Variants in STAU2 observed in about 807,000 individuals in gnomAD.
The protein encoded by STAU2 is double-stranded RNA-binding protein Staufen homolog 2.
In STAU2, 20 loss-of-function variants were observed where a neutral mutation model predicts 65.9. The ratio of observed to expected loss-of-function variants is 0.30; its 90% CI spans 0.21 to 0.44. STAU2 has a LOEUF of 0.44. Ranked by LOEUF, STAU2 falls within the 20% of genes least tolerant of loss-of-function variation. The pLI, the probability that STAU2 is intolerant of heterozygous loss-of-function variation, is 1.00. For synonymous variants in STAU2, 232 were observed against 233.9 expected (o/e 0.99, Z 0.07); for missense variants, 558 against 683.9 (o/e 0.82, Z 2.05).
At chr8:73,607,456 G>T (rs937892330) in intron 9 of STAU2, among the ~76,000 whole-genome samples, 3 of 152,000 alleles carry the variant, frequency 2.0e-5, no homozygotes, top group Non-Finnish European at 4.4e-5. Context: ...CAGGCCGGGC[G>T]TGATGGCTCA....
intron 13 of STAU2, among the ~76,000 whole-genome samples, chr8:73,462,318 T>C (rs1585805871): frequency 6.6e-6 from 1 of 152,104 alleles, no homozygotes; most frequent in South Asian, 2.1e-4. Flanking sequence ...GCCAGGCTGG[T>C]CTTGAACTCC....
intron 3 of STAU2, among the ~76,000 whole-genome samples, chr8:73,733,122 G>A (rs1479922671): frequency 2.7e-5 from 4 of 148,798 alleles, no homozygotes; most frequent in African/African-American, 1.0e-4. Flanking sequence ...ATTCTGTCTT[G>A]TCCTGCCTGT....
At chr8:73,640,688 C>T (rs556937077) in intron 6 of STAU2, among the ~76,000 whole-genome samples, 13 of 152,252 alleles carry the variant, frequency 8.5e-5, no homozygotes, top group South Asian at 6.2e-4. Context: ...AAATATACAA[C>T]CTTAGATCAT....
At position 73,421,881 on chromosome 8, in the gene STAU2, G is replaced by A. The variant is rs202232149; in HGVS notation, c.1620-416C>T. Among the ~76,000 whole-genome samples the A allele has an allele frequency of 2.0e-4, 30 of 151,018 alleles. No individual in the cohort carries two copies. The East Asian group carries it at 5.6e-3, about 28-fold the overall frequency. On this transcript the variant is annotated intron_variant, in intron 14 of 14. Coordinates refer to ENST00000524300, the MANE Select transcript of STAU2 (RefSeq NM_001164380.2). ...CCTAAAAATGTTATCTCCTGCATGT[G>A]TTCTGAGATCCTACCTGCTATTATT...
chr8:73,521,858 T>C (rs1823060845), intron 13 of STAU2, among the ~76,000 whole-genome samples: 1 of 152,232 alleles, frequency 6.6e-6, no homozygotes, highest in South Asian at 2.1e-4. Context: ...ATATGAAATA[T>C]GCAGTCATTT....
chr8:73,527,797 T>C, intron 13 of STAU2: 4 of 1,536,220 alleles, frequency 2.6e-6, no homozygotes, highest in Non-Finnish European at 3.5e-6. Flanking sequence ...TCTATCACAG[T>C]AGTGAACCTA....
At chr8:73,735,511 C>T (rs1454673467) in intron 3 of STAU2, among the ~76,000 whole-genome samples, 2 of 152,110 alleles carry the variant, frequency 1.3e-5, no homozygotes. Context: ...TTCTTTTGTA[C>T]CAACATAATG....
In STAU2 at chr8:73,654,389, C is replaced by T. The variant is rs185614444; in HGVS notation, c.410+18718G>A. On this transcript the variant is annotated intron_variant, in intron 6 of 14. Coordinates refer to ENST00000524300, the MANE Select transcript of STAU2 (RefSeq NM_001164380.2). ...TTAACTGTCCAGGCACACTGGCTGACCCCTGTAATCCCAACACTTTGGGAG... is the reference window on the plus strand; with the variant it reads ...TTAACTGTCCAGGCACACTGGCTGATCCCTGTAATCCCAACACTTTGGGAG... Among the ~76,000 whole-genome samples, 1,136 of 151,998 alleles carry T rather than the reference C, an allele frequency of 7.5e-3. 9 individuals are homozygous for T. The highest frequency in any genetic ancestry group is 0.048 in the Middle Eastern group (14 of 294).
intron 13 of STAU2, among the ~76,000 whole-genome samples, chr8:73,462,676 C>T (rs1376815542): frequency 2.6e-5 from 4 of 152,100 alleles, no homozygotes; most frequent in African/African-American, 9.7e-5. Flanking sequence ...GGATTACAGG[C>T]GCGAACCACC....
At chr8:73,559,359 T>C (rs1448169515) in intron 12 of STAU2, among the ~76,000 whole-genome samples, 1 of 152,246 alleles carries the variant, frequency 6.6e-6, no homozygotes, top group Non-Finnish European at 1.5e-5. Context: ...TGGGAAGGAC[T>C]GGTGGCAGCA....
chr8:73,514,761 A>G (rs1822613288), intron 13 of STAU2, among the ~76,000 whole-genome samples: 1 of 152,126 alleles, frequency 6.6e-6, no homozygotes, highest in Non-Finnish European at 1.5e-5. Flanking sequence ...GTTTCTGTAT[A>G]TGTTTTATTT....
chr8:73,440,284 C>T (rs985930247), intron 13 of STAU2: 4 of 152,238 alleles, frequency 2.6e-5, no homozygotes, highest in African/African-American at 7.2e-5. Context: ...CTCCAAATCC[C>T]TATCTTTAGC....
At chr8:73,619,306 C>A (rs902328330) in intron 6 of STAU2, among the ~76,000 whole-genome samples, 1 of 152,018 alleles carries the variant, frequency 6.6e-6, no homozygotes, top group African/African-American at 2.4e-5. Context: ...AATATGACCA[C>A]TGAATTGAGC....
Position 73,462,053 on chromosome 8 carries a change from A to C in STAU2, c.1531-39351T>G, listed in dbSNP as rs1359962709. On this transcript the variant is annotated intron_variant, in intron 13 of 14. Transcript: ENST00000524300. Reference sequence around the variant, plus strand: ...TTTGTTCACATCTATCGGTAAAAAAATTTCACCTATTTTATTTTTATTTAC... The same window carrying C: ...TTTGTTCACATCTATCGGTAAAAAACTTTCACCTATTTTATTTTTATTTAC... Among the ~76,000 whole-genome samples, 5 of 146,670 alleles carry C rather than the reference A, an allele frequency of 3.4e-5. No homozygotes were observed. In the Admixed American group the frequency reaches 3.5e-4, roughly 10 times the overall value.
At chr8:73,743,014 CTACTCT>C (rs1400697938) in intron 1 of STAU2, among the ~76,000 whole-genome samples, 1 of 151,982 alleles carries the variant, frequency 6.6e-6, no homozygotes, top group Non-Finnish European at 1.5e-5. Context: ...TTTACTATCT[CTACTCT>C]TAGACTACAA....
At chr8:73,545,304 C>T (rs1283760770) in intron 13 of STAU2, among the ~76,000 whole-genome samples, 2 of 151,876 alleles carry the variant, frequency 1.3e-5, no homozygotes, top group African/African-American at 2.4e-5. Context: ...GTCTGTTGTC[C>T]AGGTTGTATT....
At chr8:73,588,844 G>A (rs1200084181) in intron 11 of STAU2, among the ~76,000 whole-genome samples, 1 of 152,072 alleles carries the variant, frequency 6.6e-6, no homozygotes, top group Non-Finnish European at 1.5e-5. Flanking sequence ...ATAAAATTTG[G>A]TTACCACAGA....
chr8:73,436,505 G>A (rs1292064492), intron 13 of STAU2, among the ~76,000 whole-genome samples: 2 of 151,512 alleles, frequency 1.3e-5, no homozygotes, highest in Non-Finnish European at 2.9e-5. Flanking sequence ...AAGTACAAAG[G>A]ATAATAATAC....
intron 13 of STAU2, among the ~76,000 whole-genome samples, chr8:73,451,002 C>A (rs747748715): frequency 6.6e-6 from 1 of 152,134 alleles, no homozygotes; most frequent in Non-Finnish European, 1.5e-5. Flanking sequence ...GAGACCAGGC[C>A]CAGGAGGAAT....
Sources: allele counts gnomAD v4.1 joint callset (sites outside exome capture counted in the v4.1 genomes callset), GRCh38; gene constraint gnomAD v4.1.1; transcripts MANE v1.5; gene names NCBI Gene and HGNC (gene_info 2026-07-23, HGNC 2026-07-21).